Variants in LEMD1 observed in about 807,000 individuals in gnomAD.
LEMD1 encodes LEM domain-containing protein 1.
A neutral mutation model predicts 17.4 loss-of-function variants in LEMD1; 18 were observed. The ratio of observed to expected loss-of-function variants is 1.04; its 90% CI spans 0.72 to 1.54. The LOEUF (loss-of-function observed/expected upper bound fraction) is 1.54, where lower values mean the gene tolerates loss of function less well. Ranked by LOEUF, LEMD1 falls within the 40% of genes most tolerant of loss-of-function variation. The pLI is 0.00. For synonymous variants in LEMD1, 88 were observed against 77.8 expected (o/e 1.13, Z -0.69); for missense variants, 195 against 210.4 (o/e 0.93, Z 0.45).
rs1298698459 is a variant in LEMD1 at position 205,411,202 on chromosome 1, GGAA to G, written c.270+5027_270+5029del. Among the ~76,000 whole-genome samples, 139 of 129,726 alleles carry G rather than the reference GGAA, an allele frequency of 1.1e-3. 1 individual carries two copies. Among genetic ancestry groups the G allele is most frequent in the African/African-American group, 3.8e-3 (126 of 33,336 alleles). The allele number at this position is 129,726 out of a possible 152,430, so 85.1% of individuals were successfully genotyped here. On this transcript the variant is annotated intron_variant, in intron 4 of 5. Transcript: ENST00000367153. ...GGAAAGAAGGAAAGGAAGGAAGGAA[GGAA>G]GAAAGAAAGAAAGGAAGGAAGGAGG...
intron 1 of LEMD1, chr1:205,435,287 G>A (rs1405373416): frequency 2.0e-5 from 3 of 152,246 alleles, no homozygotes; most frequent in Admixed American, 6.5e-5. Context: ...ACTCTCAGGG[G>A]TCTCTTGCCA....
At position 205,409,757 on chromosome 1, in the gene LEMD1, C is replaced by G. The variant is rs113929413; in HGVS notation, c.270+6475G>C. Among the ~76,000 whole-genome samples, 1,076 of 150,490 alleles carry G rather than the reference C, an allele frequency of 7.1e-3. 7 individuals carry two copies. Among genetic ancestry groups the G allele is most frequent in the Non-Finnish European group, 0.011 (769 of 67,714 alleles). Reference sequence around the variant, plus strand: ...CTTGGGACCACAAGCATGCGTGCCACTATGCCCAGTTAATTAATTTTTTTT... The same window carrying G: ...CTTGGGACCACAAGCATGCGTGCCAGTATGCCCAGTTAATTAATTTTTTTT... On this transcript the variant is annotated intron_variant, in intron 4 of 5. Transcript: ENST00000367153.
intron 1 of LEMD1, among the ~76,000 whole-genome samples, chr1:205,431,863 C>T (rs1016801136): frequency 6.6e-5 from 10 of 152,198 alleles, no homozygotes; most frequent in South Asian, 2.1e-4. Flanking sequence ...ACTACAGGTG[C>T]GTGCCACCAC....
chr1:205,399,930 C>G (rs1664761604), intron 4 of LEMD1, among the ~76,000 whole-genome samples: 1 of 152,196 alleles, frequency 6.6e-6, no homozygotes, highest in Admixed American at 6.5e-5. Flanking sequence ...ACAGTGGAAG[C>G]TGATTCAGGC....
rs937771433 is a variant in LEMD1 at position 205,381,517 on chromosome 1, C to T, written c.*141G>A. 4.9e-5 allele frequency: 39 copies of T among 789,174 alleles called. No individual in the cohort carries two copies. The highest frequency in any genetic ancestry group is 5.9e-4 in the Middle Eastern group (2 of 3,400). The allele number at this position is 789,174 out of a possible 1,614,324, so 48.9% of individuals were successfully genotyped here. The stretch of plus-strand genomic sequence containing the variant: ...CTTCCACCTGGCTGAGCCCAGACAC[C>T]GATCTGTGAGAGCAGCACAGTGCAA... On this transcript the variant is annotated 3_prime_UTR_variant, in exon 6 of 6. Transcript: ENST00000367153.
intron 4 of LEMD1, among the ~76,000 whole-genome samples, chr1:205,408,185 C>T (rs1445620798): frequency 6.6e-6 from 1 of 152,192 alleles, no homozygotes; most frequent in Non-Finnish European, 1.5e-5. Context: ...AGCAATGAAT[C>T]AGCGTGGATT....
At chr1:205,440,079 G>A (rs1401772837) in intron 1 of LEMD1, among the ~76,000 whole-genome samples, 1 of 152,036 alleles carries the variant, frequency 6.6e-6, no homozygotes, top group Non-Finnish European at 1.5e-5. Context: ...GAGGAGAGAA[G>A]AAAAAGGCAG....
intron 4 of LEMD1, chr1:205,385,290 T>C (rs1000496965): frequency 1.3e-5 from 2 of 152,146 alleles, no homozygotes; most frequent in African/African-American, 4.8e-5. Flanking sequence ...CTCTGCCTCC[T>C]GGGTTCAAGT....
intron 4 of LEMD1, among the ~76,000 whole-genome samples, chr1:205,406,372 C>A (rs1236466318): frequency 6.6e-6 from 1 of 152,260 alleles, no homozygotes; most frequent in Non-Finnish European, 1.5e-5. Flanking sequence ...GTTCGAGCTT[C>A]CTGGCTGCTT....
intron 1 of LEMD1, among the ~76,000 whole-genome samples, chr1:205,444,091 C>T (rs574128209): frequency 3.9e-5 from 6 of 152,230 alleles, no homozygotes; most frequent in South Asian, 4.1e-4. Context: ...GGTCCACTCC[C>T]CACTCATCAG....
chr1:205,388,522 T>C (rs1308346588), intron 4 of LEMD1, among the ~76,000 whole-genome samples: 2 of 152,138 alleles, frequency 1.3e-5, no homozygotes, highest in Non-Finnish European at 2.9e-5. Flanking sequence ...CTCTAGGAGG[T>C]AATTATTACA....
chr1:205,411,305 C>G (rs1207547153), intron 4 of LEMD1, among the ~76,000 whole-genome samples: 3 of 150,988 alleles, frequency 2.0e-5, no homozygotes, highest in Non-Finnish European at 4.4e-5. Context: ...CAGTGGCTCA[C>G]GCCTGTAATC....
chr1:205,416,948 C>T (rs920052845), intron 3 of LEMD1, among the ~76,000 whole-genome samples: 8 of 152,152 alleles, frequency 5.3e-5, no homozygotes, highest in African/African-American at 1.7e-4. Context: ...GTTTGGATGA[C>T]CTCATACTCA....
At chr1:205,390,076 CA>C (rs1445916956) in intron 4 of LEMD1, among the ~76,000 whole-genome samples, 2 of 151,968 alleles carry the variant, frequency 1.3e-5, no homozygotes, top group African/African-American at 4.8e-5. Flanking sequence ...TTCTAGCAAC[CA>C]GGGGAGGTGG....
intron 1 of LEMD1, among the ~76,000 whole-genome samples, chr1:205,449,478 C>T (rs1270273975): frequency 6.6e-6 from 1 of 152,054 alleles, no homozygotes; most frequent in Non-Finnish European, 1.5e-5. Flanking sequence ...CCCAACTGTA[C>T]CCTCAGCCCC....
chr1:205,445,763 G>A (rs952644922), intron 1 of LEMD1, among the ~76,000 whole-genome samples: 1 of 152,210 alleles, frequency 6.6e-6, no homozygotes, highest in African/African-American at 2.4e-5. Flanking sequence ...CAACGTGACA[G>A]GCAGCAGCAG....
At position 205,448,512 on chromosome 1, in the gene LEMD1, C is replaced by T. The variant is rs1437064509; in HGVS notation, c.-39+1356G>A. The T allele has an allele frequency of 1.2e-5, 5 of 410,558 alleles. No homozygotes were observed. In the Admixed American group the frequency reaches 1.3e-4, roughly 11 times the overall value. The allele number at this position is 410,558 out of a possible 1,614,324, so 25.4% of individuals were successfully genotyped here. A position where few individuals can be genotyped will look rare whatever the true frequency, so the allele number is the denominator to read the frequency against. ...CAGACCCACCCACACTGCCTCCCTC[C>T]AGGACTGGGCCCCCCAGGTTAAATT... is the stretch of plus-strand genomic sequence containing the variant. On this transcript the variant is annotated intron_variant, in intron 1 of 3. Transcript: ENST00000367154. This position sits in a 1 kb window ranked among gnomAD's most constrained non-coding sequence, Gnocchi z 4.7.
chr1:205,417,284 G>A (rs1270546307), intron 3 of LEMD1, among the ~76,000 whole-genome samples: 1 of 152,170 alleles, frequency 6.6e-6, no homozygotes, highest in Non-Finnish European at 1.5e-5. Context: ...TAAAGCAGTG[G>A]CAAACCTTAT....
At chr1:205,435,327 G>A (rs1382826021) in intron 1 of LEMD1, 1 of 152,310 alleles carries the variant, frequency 6.6e-6, no homozygotes, top group African/African-American at 2.4e-5. Context: ...ATAAGGAGAG[G>A]ACTAGAAGCT....
Sources: allele counts gnomAD v4.1 joint callset (sites outside exome capture counted in the v4.1 genomes callset), GRCh38; gene constraint gnomAD v4.1.1; non-coding constraint Gnocchi (gnomAD v3.1); transcripts MANE v1.5; gene names NCBI Gene and HGNC (gene_info 2026-07-23, HGNC 2026-07-21).